KMT2A: variants seen among roughly 807,000 people sequenced by gnomAD.
The protein encoded by KMT2A is histone-lysine N-methyltransferase 2A.
KMT2A carries 16 observed loss-of-function variants against 345.3 expected under a neutral mutation model. The observed-to-expected ratio is 0.05, with a 90% CI of 0.03 to 0.07. KMT2A has a LOEUF of 0.07. KMT2A is among the 10% of genes least tolerant of loss of function. KMT2A has a pLI of 1.00. For synonymous variants in KMT2A, 1,599 were observed against 1,778.6 expected (o/e 0.90, Z 2.54); for missense variants, 3,272 against 4,841.6 (o/e 0.68, Z 9.62).
chr11:118,445,983 G>A (rs1163472724), intron 1 of KMT2A, among the ~76,000 whole-genome samples: 2 of 151,898 alleles, frequency 1.3e-5, no homozygotes, highest in Admixed American at 6.6e-5. Flanking sequence ...CAGCCTGGGC[G>A]AAAGAGCAAG....
intron 1 of KMT2A, among the ~76,000 whole-genome samples, chr11:118,454,249 T>C (rs994108963): frequency 6.6e-6 from 1 of 152,222 alleles, no homozygotes; most frequent in Non-Finnish European, 1.5e-5. Context: ...TCCAGATTCC[T>C]TACTATGGCC....
chr11:118,436,575 C>CG lies in KMT2A; in HGVS notation c.69dup (p.Arg24AlafsTer123). 7 of 1,159,922 alleles carry CG rather than the reference C, an allele frequency of 6.0e-6. No individual in the cohort carries two copies. Among genetic ancestry groups the CG allele is most frequent in the Admixed American group, 4.6e-5 (1 of 21,822 alleles). The allele number at this position is 1,159,922 out of a possible 1,614,324, so 71.9% of individuals were successfully genotyped here. On this transcript the variant is annotated frameshift_variant, in exon 1 of 36. Coordinates refer to ENST00000534358, the MANE Select transcript of KMT2A (RefSeq NM_001197104.2). LOFTEE classifies it high-confidence loss of function. The surrounding 1 kb of genome is among the most constrained non-coding windows in gnomAD (Gnocchi z 6.9). ...CCGGGACCACCGGGGGCGGCGGCGG[C>CG]GGGGGGCGCCGGGGCCTAGGGGGCG...
At position 118,495,872 on chromosome 11, in the gene KMT2A, C is replaced by T. The variant is rs782292919; in HGVS notation, c.5536C>T (p.Pro1846Ser). ...GEPDSPTPLH[P>S]PTPPILSTDR... is the part of the protein sequence containing the mutation. ...ACCAGACTCACCAACTCCTCTGCAT[C>T]CTCCTACACCACCAATTTTGAGTAA... Residue 1846 changes from proline to serine, a missense_variant, in exon 19 of 36, where the codon CCT becomes TCT. By Grantham distance (74) the Pro-to-Ser change is moderately conservative. This residue lies in a region of KMT2A where 235 missense variants were observed against 503.4 expected (regional missense o/e 0.47). Coordinates refer to ENST00000534358, the MANE Select transcript of KMT2A (RefSeq NM_001197104.2). This position sits in a 1 kb window ranked among gnomAD's most constrained non-coding sequence, Gnocchi z 4.1. 1 of 1,608,782 alleles carries T rather than the reference C, an allele frequency of 6.2e-7. No homozygotes were observed. The highest frequency in any genetic ancestry group is 1.7e-5 in the Admixed American group (1 of 58,664).
At position 118,499,435 on chromosome 11, in the gene KMT2A, T is replaced by TCCCCAATAACCAAGGCTA; in HGVS notation, c.6079+15_6079+16insCCCCAATAACCAAGGCTA. 1 of 1,456,578 alleles carries TCCCCAATAACCAAGGCTA rather than the reference T, an allele frequency of 6.9e-7. No homozygotes were observed. Among genetic ancestry groups the TCCCCAATAACCAAGGCTA allele is most frequent in the Non-Finnish European group, 9.6e-7 (1 of 1,044,192 alleles). 90.2% of individuals were successfully genotyped at this position (1,456,578 alleles called of 1,614,324 possible). A position where few individuals can be genotyped will look rare whatever the true frequency, so the allele number is the denominator to read the frequency against. Reference sequence around the variant, plus strand: ...CATGATGATTGGTATGACCTAGCCTTGGTTATTGGGGAAGGCTGTATATAT... The same window carrying TCCCCAATAACCAAGGCTA: ...CATGATGATTGGTATGACCTAGCCTTCCCCAATAACCAAGGCTAGGTTATTGGGGAAGGCTGTATATAT... On this transcript the variant is annotated intron_variant, in intron 23 of 35. Coordinates refer to ENST00000534358, the MANE Select transcript of KMT2A (RefSeq NM_001197104.2).
chr11:118,505,694 C>T lies in KMT2A; in HGVS notation c.9802C>T (p.His3268Tyr), dbSNP rs1555047948. 1 of 1,614,172 alleles carries T rather than the reference C, an allele frequency of 6.2e-7. No individual in the cohort carries two copies. The change falls in exon 27 of 36, where the codon CAT becomes TAT. Residue 3268 changes from histidine (H) to tyrosine (Y), a missense_variant. Around this residue, in one of 27 missense-constraint regions of KMT2A, gnomAD observed 748 missense variants for 922.2 expected, o/e 0.81. Coordinates refer to ENST00000534358, the MANE Select transcript of KMT2A (RefSeq NM_001197104.2). This position sits in a 1 kb window ranked among gnomAD's most constrained non-coding sequence, Gnocchi z 4.6. ...CTTCACACCCTCCCAGCTTCCTAAT[C>T]ATCCAAGTCTGTTAGATTTGGGGTC... ...INFTPSQLPN[H>Y]PSLLDLGSLN...
chr11:118,497,216 C>G lies in KMT2A; in HGVS notation c.5665-720C>G, dbSNP rs1950424155. Among the ~76,000 whole-genome samples the G allele has an allele frequency of 6.6e-6, 1 of 152,084 alleles. No homozygotes were observed. The highest frequency in any genetic ancestry group is 2.4e-5 in the African/African-American group (1 of 41,394). On this transcript the variant is annotated intron_variant, in intron 20 of 35. Transcript: ENST00000534358. This position sits in a 1 kb window ranked among gnomAD's most constrained non-coding sequence, Gnocchi z 4.8. ...ACGGAGTTTCTCCATGTTGGTCAGG[C>G]TGGTCTCAAACTCCCGACCCCAGGT...
chr11:118,468,876 AGTTTTGTTTGTTAGGAGATTGT>A, intron 2 of KMT2A, 32 bp downstream of exon 2: 1 of 1,577,726 alleles, frequency 6.3e-7, no homozygotes, highest in African/African-American at 1.3e-5. Flanking sequence ...GTGCCTTTTA[AGTTTTGTTTGTTAGGAGATTGT>A]GGCTTCCTCT....
rs1330460526 is a variant in KMT2A, at chr11:118,510,678, G to A, written c.11071+560G>A. Reference sequence around the variant, plus strand: ...TCACTCAACAGCGAGCTCTCCATAAGGGCTGGAATTTTATTTTCTTATTCA... The same window carrying A: ...TCACTCAACAGCGAGCTCTCCATAAAGGCTGGAATTTTATTTTCTTATTCA... On this transcript the variant is annotated intron_variant, in intron 30 of 35. Coordinates refer to ENST00000534358, the MANE Select transcript of KMT2A (RefSeq NM_001197104.2). This position sits in a 1 kb window ranked among gnomAD's most constrained non-coding sequence, Gnocchi z 4.1. Among the ~76,000 whole-genome samples, 2 of 152,098 alleles carry A rather than the reference G, an allele frequency of 1.3e-5. No individual in the cohort carries two copies. Among genetic ancestry groups the A allele is most frequent in the Non-Finnish European group, 2.9e-5 (2 of 68,014 alleles).
In KMT2A at chr11:118,489,808, A is replaced by G; in HGVS notation, c.4496A>G (p.Asn1499Ser). 2 of 1,614,150 alleles carry G rather than the reference A, an allele frequency of 1.2e-6. No homozygotes were observed. Among genetic ancestry groups the G allele is most frequent in the Admixed American group, 1.7e-5 (1 of 60,016 alleles). Residue 1499 changes from asparagine to serine, a missense_variant, in exon 12 of 36, where the codon AAT becomes AGT. Asn to Ser is a conservative substitution (Grantham distance 46). Transcript: ENST00000534358. ...HQATKQLLECNKCRNSYHPEC... is the reference protein window; with the variant it reads ...HQATKQLLECSKCRNSYHPEC... ...TTCTTACAGCAGCTGCTGGAGTGTA[A>G]TAAGTGCCGAAACAGCTATCACCCT...
At chr11:118,483,802 C>T (rs187924929) in intron 8 of KMT2A, among the ~76,000 whole-genome samples, 2 of 152,192 alleles carry the variant, frequency 1.3e-5, no homozygotes, top group East Asian at 1.9e-4. Context: ...GGGGCCAAGG[C>T]GGGAGGATCA....
At chr11:118,449,125 G>A (rs1410592213) in intron 1 of KMT2A, 2 of 152,124 alleles carry the variant, frequency 1.3e-5, no homozygotes, top group Non-Finnish European at 2.9e-5. Flanking sequence ...GCCACCTAAT[G>A]TGGGCTTCTC....
Position 118,503,000 on chromosome 11 carries a change from T to C in KMT2A, c.7108T>C (p.Phe2370Leu), listed in dbSNP as rs1405094417. The part of the protein sequence containing the change: ...VSFSSKEALS[F>L]PHLHLRGQRN... Reference sequence around the variant, plus strand: ...GTTTTCTTCTAAAGAGGCCCTCTCCTTCCCACACCTCCATTTGAGAGGGCA... The same window carrying C: ...GTTTTCTTCTAAAGAGGCCCTCTCCCTCCCACACCTCCATTTGAGAGGGCA... The change falls in exon 27 of 36, where the codon TTC becomes CTC. Residue 2370 changes from phenylalanine to leucine, a missense_variant. Phe to Leu is a conservative substitution (Grantham distance 22). Transcript: ENST00000534358. The surrounding 1 kb of genome is among the most constrained non-coding windows in gnomAD (Gnocchi z 4.9). 4 of 1,613,856 alleles carry C rather than the reference T, an allele frequency of 2.5e-6. No homozygotes were observed. The highest frequency in any genetic ancestry group is 3.4e-6 in the Non-Finnish European group (4 of 1,179,994).
At chr11:118,448,484 A>G (rs1949467226) in intron 1 of KMT2A, 1 of 152,182 alleles carries the variant, frequency 6.6e-6, no homozygotes, top group Non-Finnish European at 1.5e-5. Context: ...TGCAGAAAGC[A>G]TTTCCTGTAC....
At chr11:118,514,303 C>T (rs1319995523) in intron 31 of KMT2A, among the ~76,000 whole-genome samples, 1 of 152,212 alleles carries the variant, frequency 6.6e-6, no homozygotes, top group Non-Finnish European at 1.5e-5. Flanking sequence ...TTCCTGTCTA[C>T]GGATCCTTAC....
In KMT2A at chr11:118,520,668, G is replaced by T; in HGVS notation, c.11430-134G>T. ...TCCATCTCAAAAAAAAAAGGGGGGC[G>T]CTCATTTTATAAGGCACTCGTTCAG... is the stretch of plus-strand genomic sequence containing the variant. On this transcript the variant is annotated intron_variant, in intron 33 of 35. Transcript: ENST00000534358. The surrounding 1 kb of genome is among the most constrained non-coding windows in gnomAD (Gnocchi z 4.3). 1 of 647,342 alleles carries T rather than the reference G, an allele frequency of 1.5e-6. No homozygotes were observed. The highest frequency in any genetic ancestry group is 2.0e-5 in the South Asian group (1 of 49,712). 40.1% of individuals were successfully genotyped at this position (647,342 alleles called of 1,614,324 possible).
intron 31 of KMT2A, among the ~76,000 whole-genome samples, chr11:118,515,682 C>CTTTTTTTTTTT (rs11374365): frequency 1.0e-5 from 1 of 97,478 alleles, no homozygotes; most frequent in African/African-American, 4.2e-5. Flanking sequence ...TTTTTCTGTC[C>CTTTTTTTTTTT]TTTTTTTTTT....
At chr11:118,513,568 AC>A (rs1408865410) in intron 31 of KMT2A, among the ~76,000 whole-genome samples, 1 of 151,968 alleles carries the variant, frequency 6.6e-6, no homozygotes, top group Non-Finnish European at 1.5e-5. Context: ...ATTTTTCAGA[AC>A]TTTTTTAATT....
rs1183295722 is a variant in KMT2A, at chr11:118,513,579, T to TA, written c.11146+1562dup. ...TAAAATTTTTCAGAACTTTTTTAAT[T>TA]AAAAAAAAGAGAAAAAGACCCAACA... On this transcript the variant is annotated intron_variant, in intron 31 of 35. Coordinates refer to ENST00000534358, the MANE Select transcript of KMT2A (RefSeq NM_001197104.2). 1.4e-3 allele frequency among the ~76,000 whole-genome samples: 210 copies of TA among 151,166 alleles called. 3 individuals are homozygous for TA. The highest frequency in any genetic ancestry group is 2.5e-3 in the African/African-American group (103 of 41,244).
chr11:118,492,014 C>T (rs1950331849), intron 15 of KMT2A, 86 bp downstream of exon 15: 12 of 939,572 alleles, frequency 1.3e-5, no homozygotes, highest in Middle Eastern at 3.4e-4. Context: ...TCATTCTCCT[C>T]ACTTAATTTT....
Sources: allele counts gnomAD v4.1 joint callset (sites outside exome capture counted in the v4.1 genomes callset), GRCh38; gene constraint gnomAD v4.1.1; regional missense constraint gnomAD v4.1.1; non-coding constraint Gnocchi (gnomAD v3.1); transcripts MANE v1.5; gene names NCBI Gene and HGNC (gene_info 2026-07-23, HGNC 2026-07-21).